SNAP91: variants seen among roughly 807,000 people sequenced by gnomAD.
SNAP91 encodes clathrin coat assembly protein AP180.
In SNAP91, 27 loss-of-function variants were observed where a neutral mutation model predicts 100.3. The ratio of observed to expected loss-of-function variants is 0.27; its 90% CI spans 0.20 to 0.37. The LOEUF is 0.37. Among genes scored for constraint, SNAP91 ranks in the 10% least tolerant of loss-of-function variants. The probability of loss-of-function intolerance (pLI) is 1.00; values close to 1 mark genes in which losing one functional copy is unlikely to be tolerated. For missense variants in SNAP91, 986 were observed against 1,123.7 expected (o/e 0.88, Z 1.75); for synonymous variants, 404 against 398.6 (o/e 1.01, Z -0.16).
At chr6:83,579,299 G>C (rs749029064) in intron 24 of SNAP91, among the ~76,000 whole-genome samples, 15 of 152,170 alleles carry the variant, frequency 9.9e-5, no homozygotes, top group Non-Finnish European at 2.2e-4. Context: ...AGCAGCTGGA[G>C]GCATAAGTCC....
rs142388919 is a variant in SNAP91, at chr6:83,675,917, C to T, written c.131-10336G>A. Among the ~76,000 whole-genome samples, 255 of 149,660 alleles carry T rather than the reference C, an allele frequency of 1.7e-3. 1 individual carries two copies. Among genetic ancestry groups the T allele is most frequent in the African/African-American group, 5.4e-3 (219 of 40,670 alleles). ...AATGTCAAAAAAGATTTGGCCATGG[C>T]AGGAAGATTGCTTGAGGCCAGGAGT... On this transcript the variant is annotated intron_variant, in intron 2 of 29. Transcript: ENST00000369694.
At chr6:83,658,349 C>A (rs891835285) in intron 6 of SNAP91, among the ~76,000 whole-genome samples, 12 of 152,126 alleles carry the variant, frequency 7.9e-5, no homozygotes, top group African/African-American at 2.9e-4. Flanking sequence ...GTGGCTCATG[C>A]CTGTAATCCC....
rs553098656 is a variant in SNAP91, at chr6:83,602,641, C to G, written c.1142-1042G>C. 3.9e-5 allele frequency among the ~76,000 whole-genome samples: 6 copies of G among 152,222 alleles called. No individual in the cohort carries two copies. In the South Asian group the frequency reaches 1.2e-3, roughly 32 times the overall value. ...AAATTGTAGAAGTTTATTTCAATTT[C>G]TTAAAGTCTTATAATTTTTACTATT... is the stretch of plus-strand genomic sequence containing the variant. On this transcript the variant is annotated intron_variant, in intron 14 of 29. Coordinates refer to ENST00000369694, the MANE Select transcript of SNAP91 (RefSeq NM_001242792.2).
chr6:83,635,622 T>A (rs987323554), intron 8 of SNAP91, among the ~76,000 whole-genome samples: 1 of 151,892 alleles, frequency 6.6e-6, no homozygotes, highest in South Asian at 2.1e-4. Flanking sequence ...TCTTTTTTTT[T>A]AATCCAACTT....
rs1349858849 is a variant in SNAP91, at chr6:83,574,345, C to T, written c.2442+665G>A. 3.9e-5 allele frequency among the ~76,000 whole-genome samples: 6 copies of T among 152,184 alleles called. 1 individual carries two copies. Among genetic ancestry groups the T allele is most frequent in the East Asian group, 1.9e-4 (1 of 5,174 alleles). ...CAAAGCAATAGTTAGTCTTTATTTCCAGTCATGTGTTCTTTCCCAGAGTGA... is the reference window on the plus strand; with the variant it reads ...CAAAGCAATAGTTAGTCTTTATTTCTAGTCATGTGTTCTTTCCCAGAGTGA... On this transcript the variant is annotated intron_variant, in intron 26 of 29. Coordinates refer to ENST00000369694, the MANE Select transcript of SNAP91 (RefSeq NM_001242792.2).
At chr6:83,624,482 A>G (rs189347842) in intron 8 of SNAP91, among the ~76,000 whole-genome samples, 224 of 152,288 alleles carry the variant, frequency 1.5e-3, no homozygotes, top group African/African-American at 5.3e-3. Context: ...GGCTGCTACA[A>G]AGACAATAAA....
intron 11 of SNAP91, among the ~76,000 whole-genome samples, 177 bp downstream of exon 11, chr6:83,614,680 C>A (rs1305087006): frequency 6.6e-6 from 1 of 151,884 alleles, no homozygotes; most frequent in African/African-American, 2.4e-5. Context: ...GAAAGTAAAA[C>A]CATTTATGCT....
intron 2 of SNAP91, among the ~76,000 whole-genome samples, chr6:83,705,295 AT>A (rs1254849926): frequency 6.6e-6 from 1 of 152,100 alleles, no homozygotes; most frequent in Non-Finnish European, 1.5e-5. Context: ...TTTTCATTCA[AT>A]TTTTTCATGA....
chr6:83,607,329 T>TTGTGTGTGTGTGTG lies in SNAP91; in HGVS notation c.1022+356_1022+369dup, dbSNP rs61335064. 4.0e-3 allele frequency among the ~76,000 whole-genome samples: 583 copies of TTGTGTGTGTGTGTG among 144,878 alleles called. 7 individuals are homozygous for TTGTGTGTGTGTGTG. The highest frequency in any genetic ancestry group is 0.014 in the African/African-American group (532 of 38,918). ...ATTGGTCAAACAATTCCAAGTTGGG[T>TTGTGTGTGTGTGTG]TGTGTGTGTGTGTGTGTGTGTGTGT... On this transcript the variant is annotated intron_variant, in intron 13 of 29. Transcript: ENST00000369694.
rs199964263 is a variant in SNAP91 at position 83,656,743 on chromosome 6, G to T, written c.658+11C>A. On this transcript the variant is annotated intron_variant, in intron 7 of 29. Coordinates refer to ENST00000369694, the MANE Select transcript of SNAP91 (RefSeq NM_001242792.2). ...CCATCAGCCCAGACATGTTTCGGTT[G>T]TTCCACCTACCGAGTAAGTTAATAA... The T allele has an allele frequency of 5.2e-6, 7 of 1,342,978 alleles. No homozygotes were observed. The highest frequency in any genetic ancestry group is 7.4e-6 in the Non-Finnish European group (7 of 947,668). The allele number at this position is 1,342,978 out of a possible 1,614,324, so 83.2% of individuals were successfully genotyped here. A position where few individuals can be genotyped will look rare whatever the true frequency, so the allele number is the denominator to read the frequency against.
chr6:83,596,334 T>C (rs978253773), intron 16 of SNAP91, among the ~76,000 whole-genome samples: 2 of 152,150 alleles, frequency 1.3e-5, no homozygotes, highest in African/African-American at 2.4e-5. Context: ...ATGTTAAAGA[T>C]ACTATACTTC....
chr6:83,558,120 T>C (rs1781539570), intron 28 of SNAP91, among the ~76,000 whole-genome samples: 1 of 152,054 alleles, frequency 6.6e-6, no homozygotes, highest in Admixed American at 6.6e-5. Context: ...TATTACACAA[T>C]AAAAACAACT....
At chr6:83,596,456 AT>A (rs939947743) in intron 16 of SNAP91, among the ~76,000 whole-genome samples, 5 of 150,986 alleles carry the variant, frequency 3.3e-5, no homozygotes, top group Non-Finnish European at 5.9e-5. Context: ...CAGTTGTTTT[AT>A]TTTTTTTTGG....
intron 2 of SNAP91, among the ~76,000 whole-genome samples, chr6:83,706,834 A>G (rs148461884): frequency 6.6e-6 from 1 of 152,360 alleles, no homozygotes; most frequent in Non-Finnish European, 1.5e-5. Context: ...AGGTCAAGAG[A>G]ACTAAATAGC....
At chr6:83,569,595 AT>A (rs1438966221) in intron 26 of SNAP91, among the ~76,000 whole-genome samples, 1 of 152,144 alleles carries the variant, frequency 6.6e-6, no homozygotes, top group African/African-American at 2.4e-5. Context: ...TGGCCTCATT[AT>A]TTGGCAAACT....
At chr6:83,615,933 T>G (rs2128347511) in intron 10 of SNAP91, among the ~76,000 whole-genome samples, 1 of 152,262 alleles carries the variant, frequency 6.6e-6, no homozygotes, top group African/African-American at 2.4e-5. Context: ...ATTTTACGGG[T>G]TGTCTCTACT....
intron 2 of SNAP91, among the ~76,000 whole-genome samples, chr6:83,666,948 A>T (rs1317881050): frequency 6.6e-6 from 1 of 152,092 alleles, no homozygotes; most frequent in African/African-American, 2.4e-5. Flanking sequence ...ACCATATCAC[A>T]GCTCCTTAAA....
At chr6:83,567,112 A>T (rs1371111772) in intron 26 of SNAP91, among the ~76,000 whole-genome samples, 1 of 152,062 alleles carries the variant, frequency 6.6e-6, no homozygotes, top group Non-Finnish European at 1.5e-5. Flanking sequence ...CTAACTTTTT[A>T]ATTTTTCTAG....
At chr6:83,677,705 A>G (rs1472351909) in intron 2 of SNAP91, among the ~76,000 whole-genome samples, 1 of 152,224 alleles carries the variant, frequency 6.6e-6, no homozygotes, top group Non-Finnish European at 1.5e-5. Flanking sequence ...TAGAAATAAT[A>G]CATGCATGCC....
Sources: gnomAD v4.1 joint callset for allele counts (sites outside exome capture counted in the v4.1 genomes callset) on GRCh38, gnomAD v4.1.1 for gene constraint, MANE v1.5 for transcripts, NCBI Gene and HGNC (gene_info 2026-07-23, HGNC 2026-07-21) for gene names.